The following SLC8A3 variants were observed in gnomAD, a reference collection of about 807,000 sequenced individuals.
SLC8A3 encodes the protein solute carrier family 8 member A3.
SLC8A3 carries 37 observed loss-of-function variants against 65.4 expected under a neutral mutation model. That is an observed-to-expected ratio of 0.57 (90% CI 0.44 to 0.74). The LOEUF (loss-of-function observed/expected upper bound fraction) is 0.74, where lower values mean the gene tolerates loss of function less well. SLC8A3 is among the 30% of genes least tolerant of loss of function. The pLI is 0.00. For missense variants in SLC8A3, 1,112 were observed against 1,172.1 expected (o/e 0.95, Z 0.75); for synonymous variants, 461 against 444.5 (o/e 1.04, Z -0.47).
At chr14:70,073,561 G>A (rs1890201448) in intron 2 of SLC8A3, among the ~76,000 whole-genome samples, 1 of 152,128 alleles carries the variant, frequency 6.6e-6, no homozygotes, top group Non-Finnish European at 1.5e-5. Flanking sequence ...TCTTGGAAAG[G>A]CAGTGAGAAG....
At chr14:70,087,283 G>C (rs1891503827) in intron 2 of SLC8A3, among the ~76,000 whole-genome samples, 1 of 152,196 alleles carries the variant, frequency 6.6e-6, no homozygotes, top group Non-Finnish European at 1.5e-5. Context: ...GGAAGACACA[G>C]ACAGATGGCG....
chr14:70,151,721 T>G (rs1896289089), intron 2 of SLC8A3, among the ~76,000 whole-genome samples: 2 of 152,154 alleles, frequency 1.3e-5, no homozygotes, highest in East Asian at 1.9e-4. Flanking sequence ...AGGCTAGAAG[T>G]CCAAAATCAA....
chr14:70,181,230 T>C (rs1387762730), intron 1 of SLC8A3, among the ~76,000 whole-genome samples: 1 of 152,174 alleles, frequency 6.6e-6, no homozygotes, highest in Non-Finnish European at 1.5e-5. Context: ...CATTGCCTCC[T>C]CTATGACACC....
intron 2 of SLC8A3, among the ~76,000 whole-genome samples, chr14:70,113,255 T>C (rs185230244): frequency 1.5e-3 from 223 of 152,324 alleles, no homozygotes; most frequent in African/African-American, 4.9e-3. Flanking sequence ...GGCTGTATGG[T>C]ATAGCCTATT....
At chr14:70,172,608 G>T in intron 1 of SLC8A3, among the ~76,000 whole-genome samples, 1 of 150,766 alleles carries the variant, frequency 6.6e-6, no homozygotes, top group East Asian at 1.9e-4. Context: ...CTTCCCATCA[G>T]TTCAGTTTGA....
In SLC8A3 at chr14:70,089,958, T is replaced by C. The variant is rs534983228; in HGVS notation, c.1785-29019A>G. 2.0e-4 allele frequency among the ~76,000 whole-genome samples: 31 copies of C among 152,346 alleles called. No individual in the cohort carries two copies. The Middle Eastern group carries it at 0.017, about 84-fold the overall frequency. On this transcript the variant is annotated intron_variant, in intron 2 of 6. Coordinates refer to ENST00000356921, the MANE Select transcript of SLC8A3 (RefSeq NM_182932.3). ...AGGTATAAATTAGAGAGTTTTTTTC[T>C]TAATTTTTGAAATAATTATTTTCAT...
intron 6 of SLC8A3, chr14:70,048,058 C>CT (rs1416286610): frequency 1.9e-5 from 3 of 153,954 alleles, no homozygotes; most frequent in African/African-American, 7.2e-5. Flanking sequence ...CTGTAACAGG[C>CT]ATAATAGGTG....
At chr14:70,111,074 T>C (rs75967721) in intron 2 of SLC8A3, among the ~76,000 whole-genome samples, 5,836 of 152,276 alleles carry the variant, frequency 0.038, 368 homozygotes, top group African/African-American at 0.13. Flanking sequence ...TTTTAGTTTT[T>C]TGAGGAACCT....
rs372758774 is a variant in SLC8A3, at chr14:70,167,722, C to A, written c.701G>T (p.Gly234Val). The change falls in exon 2 of 7, where the codon GGC becomes GTC. Residue 234 changes from glycine (G) to valine (V), a missense_variant. Transcript: ENST00000356921. ...FSPGVVQVWEGLLTLFFFPVC... is the reference protein window; with the variant it reads ...FSPGVVQVWEVLLTLFFFPVC... Reference sequence around the variant, plus strand: ...TGGAAAGAAGAAGAGAGTGAGGAGGCCTTCCCAAACCTGGACCACACCAGG... The same window carrying A: ...TGGAAAGAAGAAGAGAGTGAGGAGGACTTCCCAAACCTGGACCACACCAGG... The A allele has an allele frequency of 5.6e-6, 9 of 1,613,996 alleles. No individual in the cohort carries two copies. The highest frequency in any genetic ancestry group is 7.6e-6 in the Non-Finnish European group (9 of 1,180,018).
chr14:70,138,002 C>T (rs1895322357), intron 2 of SLC8A3, among the ~76,000 whole-genome samples: 1 of 152,144 alleles, frequency 6.6e-6, no homozygotes, highest in Admixed American at 6.6e-5. Flanking sequence ...CTCCATACAC[C>T]TTTCCTGTCA....
At chr14:70,123,844 A>G (rs986071567) in intron 2 of SLC8A3, among the ~76,000 whole-genome samples, 7 of 152,182 alleles carry the variant, frequency 4.6e-5, no homozygotes, top group African/African-American at 1.2e-4. Context: ...TTTTTCTGAC[A>G]TCTATTTAAG....
chr14:70,072,836 TG>T (rs1890137362), intron 2 of SLC8A3, among the ~76,000 whole-genome samples: 1 of 152,104 alleles, frequency 6.6e-6, no homozygotes, highest in African/African-American at 2.4e-5. Context: ...TTAGTCGAGA[TG>T]GGGTTTTGCC....
chr14:70,051,209 G>A (rs1594888523), intron 4 of SLC8A3, 102 bp from the exon 5 acceptor site: 3 of 763,618 alleles, frequency 3.9e-6, no homozygotes, highest in Non-Finnish European at 6.9e-6. Flanking sequence ...TCTCCAAGGT[G>A]TTCTGACAGT....
intron 2 of SLC8A3, among the ~76,000 whole-genome samples, chr14:70,073,088 T>C (rs907652844): frequency 6.6e-6 from 1 of 151,968 alleles, no homozygotes; most frequent in African/African-American, 2.4e-5. Context: ...CTTCCTTCCT[T>C]CCACTCTTCC....
rs868140927 is a variant in SLC8A3 at position 70,135,442 on chromosome 14, A to G, written c.1784+31197T>C. On this transcript the variant is annotated intron_variant, in intron 2 of 6. Coordinates refer to ENST00000356921, the MANE Select transcript of SLC8A3 (RefSeq NM_182932.3). ...ATGTTGAAGAGATATTTTCACTTCC[A>G]TGGTTATTGGAGCACTATTCACAAT... 2.6e-5 allele frequency among the ~76,000 whole-genome samples: 4 copies of G among 152,368 alleles called. 2 individuals are homozygous for G. In the Middle Eastern group the frequency reaches 0.014, roughly 518 times the overall value.
chr14:70,127,167 A>C (rs1175189781), intron 2 of SLC8A3, among the ~76,000 whole-genome samples: 1 of 148,604 alleles, frequency 6.7e-6, no homozygotes, highest in African/African-American at 2.5e-5. Flanking sequence ...ATAAGGGGGC[A>C]GAAAGGATTG....
chr14:70,123,231 C>T (rs943744783), intron 2 of SLC8A3, among the ~76,000 whole-genome samples: 19 of 150,976 alleles, frequency 1.3e-4, no homozygotes, highest in African/African-American at 4.1e-4. Flanking sequence ...GGTGACAGAG[C>T]GAGACTCTGT....
intron 5 of SLC8A3, 124 bp downstream of exon 5, chr14:70,050,884 C>G (rs1887419700): frequency 1.6e-6 from 1 of 617,558 alleles, no homozygotes. Flanking sequence ...CACCTAGGAC[C>G]AGAGCTGGGA....
At chr14:70,186,235 C>T (rs1320560166) in intron 1 of SLC8A3, among the ~76,000 whole-genome samples, 1 of 152,212 alleles carries the variant, frequency 6.6e-6, no homozygotes, top group African/African-American at 2.4e-5. Flanking sequence ...TTTGCTTCCC[C>T]TTCCACCATG....
Sources: gnomAD v4.1 joint callset for allele counts (sites outside exome capture counted in the v4.1 genomes callset) on GRCh38, gnomAD v4.1.1 for gene constraint, MANE v1.5 for transcripts, NCBI Gene and HGNC (gene_info 2026-07-23, HGNC 2026-07-21) for gene names.